Variants in NSD1 observed in about 807,000 individuals in gnomAD.
NSD1 encodes histone-lysine N-methyltransferase, H3 lysine-36 specific.
In NSD1, 26 loss-of-function variants were observed where a neutral mutation model predicts 242.7. The observed-to-expected ratio is 0.11, with a 90% CI of 0.08 to 0.15. The LOEUF (loss-of-function observed/expected upper bound fraction) is 0.15. Among genes scored for constraint, NSD1 ranks in the 10% least tolerant of loss-of-function variants. NSD1 has a pLI of 1.00. For missense variants in NSD1, 2,495 were observed against 3,272.8 expected (o/e 0.76, Z 5.80); for synonymous variants, 1,106 against 1,178.1 (o/e 0.94, Z 1.25).
Position 177,210,380 on chromosome 5 carries a change from A to G in NSD1, c.1981A>G (p.Ser661Gly). The G allele has an allele frequency of 6.2e-7, 1 of 1,614,192 alleles. No individual in the cohort carries two copies. Among genetic ancestry groups the G allele is most frequent in the Non-Finnish European group, 8.5e-7 (1 of 1,180,038 alleles). ...AGAACACAGCTCAGAGTCTGATAAC[A>G]GTGTCCTTGAAATTCCAGATGCTTT... is the stretch of plus-strand genomic sequence containing the variant. Reference protein sequence around the residue: ...PIEHSSESDNSVLEIPDAFDR... With the variant: ...PIEHSSESDNGVLEIPDAFDR... The change falls in exon 5 of 23, where the codon AGT (serine) becomes GGT (glycine). Residue 661 changes from serine (S) to glycine (G), a missense_variant. Around this residue, in one of 19 missense-constraint regions of NSD1, gnomAD observed 515 missense variants for 467.0 expected, o/e 1.10. Transcript: ENST00000439151.
At position 177,136,017 on chromosome 5, in the gene NSD1, A is replaced by G; in HGVS notation, c.914A>G (p.Gln305Arg). 6.2e-7 allele frequency: 1 copy of G among 1,614,078 alleles called. No homozygotes were observed. The highest frequency in any genetic ancestry group is 8.5e-7 in the Non-Finnish European group (1 of 1,180,010). Residue 305 changes from glutamine (Q) to arginine (R), a missense_variant, in exon 2 of 23, where the codon CAG (glutamine) becomes CGG (arginine). By Grantham distance (43) the Gln-to-Arg change is conservative. Coordinates refer to ENST00000439151, the MANE Select transcript of NSD1 (RefSeq NM_022455.5). ...LPGTSSSSTS[Q>R]ELPFCQPKKK... ...GGAACTTCATCATCATCTACTTCAC[A>G]GGAATTGCCATTTGTAAGCAGTTTT... is the stretch of plus-strand genomic sequence containing the variant.
At chr5:177,188,744 C>G (rs960612839) in intron 2 of NSD1, among the ~76,000 whole-genome samples, 13 of 151,946 alleles carry the variant, frequency 8.6e-5, no homozygotes, top group Admixed American at 4.6e-4. Context: ...AACGCCCAGC[C>G]TCGCCTCCTT....
chr5:177,170,031 G>A (rs557271307), intron 2 of NSD1, among the ~76,000 whole-genome samples: 47 of 152,074 alleles, frequency 3.1e-4, no homozygotes, highest in African/African-American at 1.1e-3. Flanking sequence ...GTGCAGTGGC[G>A]CGATCTCTGC....
chr5:177,181,856 A>C (rs1003590843), intron 2 of NSD1, among the ~76,000 whole-genome samples: 4 of 150,462 alleles, frequency 2.7e-5, no homozygotes, highest in African/African-American at 7.3e-5. Flanking sequence ...GGGAAACATA[A>C]AAATTTAAAA....
Position 177,294,448 on chromosome 5 carries a change from G to A in NSD1, c.7080G>A (p.Arg2360=). ...LERPLGTADP[R]LDKSIGAASP... Reference sequence around the variant, plus strand: ...GACCTCTGGGGACGGCTGACCCAAGGCTGGATAAATCCATAGGTGCTGCCA... The same window carrying A: ...GACCTCTGGGGACGGCTGACCCAAGACTGGATAAATCCATAGGTGCTGCCA... The change falls in exon 23 of 23, where the codon AGG becomes AGA. Residue 2360 remains arginine, a synonymous_variant. Transcript: ENST00000439151. The A allele has an allele frequency of 6.2e-7, 1 of 1,614,186 alleles. No homozygotes were observed. Among genetic ancestry groups the A allele is most frequent in the Non-Finnish European group, 8.5e-7 (1 of 1,180,028 alleles).
At chr5:177,162,198 T>C (rs1758813091) in intron 2 of NSD1, among the ~76,000 whole-genome samples, 1 of 151,744 alleles carries the variant, frequency 6.6e-6, no homozygotes, top group Non-Finnish European at 1.5e-5. Flanking sequence ...CTCGGGAGGC[T>C]GAGGCATGAG....
At chr5:177,203,419 G>A (rs1018623138) in intron 3 of NSD1, among the ~76,000 whole-genome samples, 2 of 152,052 alleles carry the variant, frequency 1.3e-5, no homozygotes, top group Admixed American at 6.6e-5. Flanking sequence ...TTTATTACTG[G>A]TAGGCTTTCC....
intron 15 of NSD1, among the ~76,000 whole-genome samples, chr5:177,268,671 C>T (rs1354689110): frequency 6.6e-6 from 1 of 152,084 alleles, no homozygotes; most frequent in Non-Finnish European, 1.5e-5. Context: ...AACCACTGTA[C>T]TCAATTCTAG....
rs1280030126 is a variant in NSD1, at chr5:177,239,914, A to G, written c.4302+49A>G. On this transcript the variant is annotated intron_variant, in intron 8 of 22. Coordinates refer to ENST00000439151, the MANE Select transcript of NSD1 (RefSeq NM_022455.5). ...AAAGAAATAAACTCAGGAAATGAGAAATTTTAAAAATGACATTTTGAGTAG... is the reference window on the plus strand; with the variant it reads ...AAAGAAATAAACTCAGGAAATGAGAGATTTTAAAAATGACATTTTGAGTAG... 10 of 1,192,724 alleles carry G rather than the reference A, an allele frequency of 8.4e-6. No homozygotes were observed. In the Admixed American group the frequency reaches 1.2e-4, roughly 15 times the overall value. 73.9% of individuals were successfully genotyped at this position (1,192,724 alleles called of 1,614,324 possible).
At chr5:177,193,166 AT>A (rs939946087) in intron 3 of NSD1, among the ~76,000 whole-genome samples, 2 of 151,780 alleles carry the variant, frequency 1.3e-5, no homozygotes, top group African/African-American at 2.4e-5. Context: ...TTAGAGAAGA[AT>A]TTCTGCTCTG....
chr5:177,286,731 C>T (rs1457515197), intron 20 of NSD1, among the ~76,000 whole-genome samples: 1 of 152,170 alleles, frequency 6.6e-6, no homozygotes, highest in Non-Finnish European at 1.5e-5. Context: ...TCTACTATGT[C>T]TGCTGAGTGC....
At chr5:177,179,395 A>G (rs1028025041) in intron 2 of NSD1, among the ~76,000 whole-genome samples, 3 of 152,104 alleles carry the variant, frequency 2.0e-5, no homozygotes, top group African/African-American at 7.2e-5. Flanking sequence ...TTGTGTTTTT[A>G]GTAGAAACAA....
chr5:177,218,638 G>A (rs1365966440), intron 5 of NSD1, among the ~76,000 whole-genome samples: 1 of 151,554 alleles, frequency 6.6e-6, no homozygotes, highest in Non-Finnish European at 1.5e-5. Flanking sequence ...CGCAATCTCG[G>A]GTCACTGCAA....
At chr5:177,293,692 G>A in intron 22 of NSD1, 140 bp from the exon 23 acceptor site, 1 of 842,010 alleles carries the variant, frequency 1.2e-6, no homozygotes, top group Admixed American at 2.2e-5. Flanking sequence ...AGAGGTGGCT[G>A]GTGAGTGGCA....
intron 5 of NSD1, among the ~76,000 whole-genome samples, chr5:177,231,533 T>C (rs1419685429): frequency 6.6e-6 from 1 of 152,082 alleles, no homozygotes; most frequent in African/African-American, 2.4e-5. Flanking sequence ...GTTCAAGCAA[T>C]TTTCCTTCCT....
At chr5:177,260,988 C>G (rs771427222) in intron 14 of NSD1, among the ~76,000 whole-genome samples, 9 of 152,052 alleles carry the variant, frequency 5.9e-5, no homozygotes, top group Non-Finnish European at 1.2e-4. Flanking sequence ...GATTTGTGAA[C>G]TTTAGTTATA....
intron 21 of NSD1, among the ~76,000 whole-genome samples, chr5:177,289,176 T>C (rs1020490415): frequency 2.0e-5 from 3 of 151,974 alleles, no homozygotes; most frequent in African/African-American, 7.2e-5. Flanking sequence ...AAAAATTAGC[T>C]GGGCCGTGGT....
At chr5:177,273,834 T>C in intron 17 of NSD1, 50 bp downstream of exon 17, 15 of 1,180,336 alleles carry the variant, frequency 1.3e-5, no homozygotes, top group Non-Finnish European at 1.8e-5. Context: ...ATGGAATAGC[T>C]GGCTCTTCCC....
At chr5:177,208,699 C>CTTAATTAA (rs561781385) in intron 4 of NSD1, among the ~76,000 whole-genome samples, 1 of 150,566 alleles carries the variant, frequency 6.6e-6, no homozygotes, top group East Asian at 1.9e-4. Context: ...CTTCATATTC[C>CTTAATTAA]TTAATTAATT....
Sources: allele counts gnomAD v4.1 joint callset (sites outside exome capture counted in the v4.1 genomes callset), GRCh38; gene constraint gnomAD v4.1.1; regional missense constraint gnomAD v4.1.1; transcripts MANE v1.5; gene names NCBI Gene and HGNC (gene_info 2026-07-23, HGNC 2026-07-21).